The following DLGAP2 variants were observed in gnomAD, a reference collection of about 807,000 sequenced individuals.
DLGAP2 encodes the protein DLG associated protein 2.
A neutral mutation model predicts 100.3 loss-of-function variants in DLGAP2; 26 were observed. The ratio of observed to expected loss-of-function variants is 0.26; its 90% CI spans 0.19 to 0.36. DLGAP2 has a LOEUF of 0.36. Ranked by LOEUF, DLGAP2 falls within the 10% of genes least tolerant of loss-of-function variation. DLGAP2 has a pLI of 1.00. For synonymous variants in DLGAP2, 886 were observed against 630.1 expected (o/e 1.41, Z -6.08); for missense variants, 1,858 against 1,453.2 (o/e 1.28, Z -4.53).
At chr8:820,183 C>T (rs2132684518) in intron 1 of DLGAP2, among the ~76,000 whole-genome samples, 1 of 152,278 alleles carries the variant, frequency 6.6e-6, no homozygotes, top group Admixed American at 6.5e-5. Flanking sequence ...AAATTCATTT[C>T]CATCTCACAA....
chr8:1,356,836 C>G (rs578104737), intron 3 of DLGAP2, among the ~76,000 whole-genome samples: 1 of 152,268 alleles, frequency 6.6e-6, no homozygotes, highest in Admixed American at 6.5e-5. Flanking sequence ...CGATGTAACA[C>G]TACAGTAAGG....
intron 2 of DLGAP2, among the ~76,000 whole-genome samples, chr8:1,164,380 G>C (rs943838012): frequency 4.2e-4 from 61 of 145,910 alleles, no homozygotes; most frequent in African/African-American, 1.4e-3. Context: ...GGATTTTTCT[G>C]TGAGCCTCCC....
intron 3 of DLGAP2, among the ~76,000 whole-genome samples, chr8:1,377,267 G>T (rs535262789): frequency 1.3e-5 from 2 of 152,190 alleles, no homozygotes; most frequent in Admixed American, 1.3e-4. Flanking sequence ...GTCTTCGGCC[G>T]AGCGCAGTGG....
At chr8:770,632 C>T (rs115133797) in intron 1 of DLGAP2, among the ~76,000 whole-genome samples, 48 of 152,220 alleles carry the variant, frequency 3.2e-4, no homozygotes, top group African/African-American at 8.9e-4. Context: ...CCTGTTTGGC[C>T]GAGGAAGATT....
In DLGAP2 at chr8:1,494,044, G is replaced by T. The variant is rs75511630; in HGVS notation, c.107-7322G>T. On this transcript the variant is annotated intron_variant, in intron 3 of 14. Coordinates refer to ENST00000637795, the MANE Select transcript of DLGAP2 (RefSeq NM_001346810.2). ...GCCCCTGCCCTCCCATTCTGCATCGGGGGGGGCAGTAGGATGAACCCATAA... is the reference window on the plus strand; with the variant it reads ...GCCCCTGCCCTCCCATTCTGCATCGTGGGGGGCAGTAGGATGAACCCATAA... Among the ~76,000 whole-genome samples, 72 of 28,230 alleles carry T rather than the reference G, an allele frequency of 2.6e-3. No homozygotes were observed. The South Asian group carries it at 0.065, about 26-fold the overall frequency. 18.5% of individuals were successfully genotyped at this position (28,230 alleles called of 152,430 possible).
chr8:1,455,689 C>T (rs575438747), intron 3 of DLGAP2, among the ~76,000 whole-genome samples: 4 of 152,258 alleles, frequency 2.6e-5, no homozygotes, highest in East Asian at 1.9e-4. Context: ...ATTAATTAAG[C>T]GTCACATCCA....
intron 2 of DLGAP2, among the ~76,000 whole-genome samples, chr8:979,269 C>A (rs1157697954): frequency 6.6e-6 from 1 of 152,172 alleles, no homozygotes; most frequent in Non-Finnish European, 1.5e-5. Flanking sequence ...ATGGAGATTA[C>A]AGCTTTAAAT....
intron 3 of DLGAP2, among the ~76,000 whole-genome samples, chr8:1,265,109 T>C (rs894769439): frequency 1.3e-5 from 2 of 152,002 alleles, no homozygotes; most frequent in Non-Finnish European, 2.9e-5. Flanking sequence ...GAAAATGGAA[T>C]AGTACAGGGA....
chr8:1,603,763 T>C (rs1796707776), intron 6 of DLGAP2, among the ~76,000 whole-genome samples: 1 of 152,176 alleles, frequency 6.6e-6, no homozygotes, highest in Non-Finnish European at 1.5e-5. Flanking sequence ...TCAGGGATTA[T>C]TTATCTAAGG....
At chr8:1,522,966 T>G (rs1024118839) in intron 4 of DLGAP2, among the ~76,000 whole-genome samples, 1 of 152,196 alleles carries the variant, frequency 6.6e-6, no homozygotes, top group African/African-American at 2.4e-5. Flanking sequence ...GTAACTTAAA[T>G]GCATTACCCT....
chr8:927,831 A>G (rs1433349485), intron 2 of DLGAP2, among the ~76,000 whole-genome samples: 2 of 152,218 alleles, frequency 1.3e-5, no homozygotes. Flanking sequence ...TGAGAAAAAA[A>G]GGGCAGAGTT....
intron 2 of DLGAP2, among the ~76,000 whole-genome samples, chr8:1,068,312 A>G (rs962525748): frequency 6.6e-6 from 1 of 152,208 alleles, no homozygotes; most frequent in Admixed American, 6.5e-5. Flanking sequence ...CATCTGGGTA[A>G]ATATGAAGGC....
intron 3 of DLGAP2, among the ~76,000 whole-genome samples, chr8:1,477,078 C>G (rs889342576): frequency 2.0e-5 from 3 of 152,284 alleles, no homozygotes; most frequent in African/African-American, 7.2e-5. Flanking sequence ...CACAATTAAT[C>G]ACGTCACTGC....
intron 2 of DLGAP2, among the ~76,000 whole-genome samples, chr8:1,012,815 C>G (rs1346909079): frequency 1.3e-5 from 2 of 151,574 alleles, no homozygotes; most frequent in Non-Finnish European, 2.9e-5. Context: ...GACCAGCCCC[C>G]TACTTTCCAG....
intron 7 of DLGAP2, among the ~76,000 whole-genome samples, chr8:1,629,681 A>C (rs948596567): frequency 5.9e-5 from 9 of 152,278 alleles, no homozygotes; most frequent in Admixed American, 2.0e-4. Context: ...CTAGTTTACC[A>C]AAATACAGCT....
At chr8:852,217 C>G (rs963688331) in intron 1 of DLGAP2, among the ~76,000 whole-genome samples, 1 of 152,128 alleles carries the variant, frequency 6.6e-6, no homozygotes, top group African/African-American at 2.4e-5. Flanking sequence ...GTCTCTCTCA[C>G]CTTTCTCTGT....
chr8:1,544,491 C>T (rs965714489), intron 4 of DLGAP2, among the ~76,000 whole-genome samples: 1 of 152,076 alleles, frequency 6.6e-6, no homozygotes, highest in Non-Finnish European at 1.5e-5. Flanking sequence ...GGGGAAGTTC[C>T]CTCCAGTCCT....
At chr8:1,682,498 G>A (rs1407400753) in intron 12 of DLGAP2, among the ~76,000 whole-genome samples, 1 of 151,354 alleles carries the variant, frequency 6.6e-6, no homozygotes, top group Non-Finnish European at 1.5e-5. Context: ...TTTTTGAGAG[G>A]GAGTCTTGCT....
intron 6 of DLGAP2, among the ~76,000 whole-genome samples, chr8:1,617,063 C>T (rs1265854415): frequency 6.6e-6 from 1 of 152,176 alleles, no homozygotes; most frequent in Non-Finnish European, 1.5e-5. Flanking sequence ...AGGACATGAT[C>T]TCATTCTTTT....
Sources: gnomAD v4.1 joint callset for allele counts (sites outside exome capture counted in the v4.1 genomes callset) on GRCh38, gnomAD v4.1.1 for gene constraint, MANE v1.5 for transcripts, NCBI Gene and HGNC (gene_info 2026-07-23, HGNC 2026-07-21) for gene names.